ITCH: variants seen among roughly 807,000 people sequenced by gnomAD.
The protein encoded by ITCH is itchy E3 ubiquitin protein ligase, also known as E3 ubiquitin-protein ligase Itchy homolog.
Under a neutral mutation model 126.8 loss-of-function variants are expected in ITCH, and 28 were observed. The observed-to-expected ratio is 0.22, with a 90% CI of 0.16 to 0.30. ITCH has a LOEUF of 0.30. ITCH is among the 10% of genes least tolerant of loss of function. ITCH has a pLI of 1.00. For missense variants in ITCH, 631 were observed against 1,032.4 expected (o/e 0.61, Z 5.33); for synonymous variants, 342 against 340.0 (o/e 1.01, Z -0.06).
intron 3 of ITCH, among the ~76,000 whole-genome samples, chr20:34,401,171 G>A (rs2038871424): frequency 6.6e-6 from 1 of 152,088 alleles, no homozygotes; most frequent in Admixed American, 6.6e-5. Flanking sequence ...TCTTTACCTT[G>A]GATGTAAGTC....
intron 20 of ITCH, among the ~76,000 whole-genome samples, chr20:34,482,015 A>G (rs1988788018): frequency 6.8e-6 from 1 of 146,410 alleles, no homozygotes; most frequent in Non-Finnish European, 1.5e-5. Context: ...GTCTCAAAAC[A>G]AACAAACGAA....
chr20:34,426,373 T>G (rs1206079055), intron 7 of ITCH, among the ~76,000 whole-genome samples: 3 of 152,144 alleles, frequency 2.0e-5, no homozygotes, highest in Admixed American at 6.5e-5. Flanking sequence ...GTTGAAGCTG[T>G]GCTGTTAGGT....
chr20:34,401,977 G>A lies in ITCH; in HGVS notation c.71-6674G>A, dbSNP rs77864814. 4.6e-5 allele frequency among the ~76,000 whole-genome samples: 7 copies of A among 152,150 alleles called. No homozygotes were observed. The East Asian group carries it at 1.2e-3, about 25-fold the overall frequency. Reference sequence around the variant, plus strand: ...TAGTACTGGGCTAGGGATACGGGGGGGCGGCGCATAGCTATGGGCCTTGTC... The same window carrying A: ...TAGTACTGGGCTAGGGATACGGGGGAGCGGCGCATAGCTATGGGCCTTGTC... On this transcript the variant is annotated intron_variant, in intron 3 of 24. Transcript: ENST00000374864.
chr20:34,376,579 A>G (rs1264763865), intron 2 of ITCH, among the ~76,000 whole-genome samples: 1 of 152,182 alleles, frequency 6.6e-6, no homozygotes, highest in East Asian at 1.9e-4. Context: ...TTAGTTATTC[A>G]GAATATGCCA....
intron 20 of ITCH, among the ~76,000 whole-genome samples, chr20:34,488,879 A>G (rs1989322617): frequency 6.6e-6 from 1 of 152,150 alleles, no homozygotes; most frequent in African/African-American, 2.4e-5. Context: ...CTCTACATAC[A>G]AAACCAAAAA....
chr20:34,409,732 T>G (rs1411719747), intron 4 of ITCH, among the ~76,000 whole-genome samples: 1 of 152,220 alleles, frequency 6.6e-6, no homozygotes, highest in Non-Finnish European at 1.5e-5. Context: ...CTTTGTATGT[T>G]GGTGTTTATA....
chr20:34,457,308 C>G (rs1986100146), intron 12 of ITCH, 82 bp from the exon 13 acceptor site: 1 of 929,408 alleles, frequency 1.1e-6, no homozygotes, highest in South Asian at 1.4e-5. Flanking sequence ...TGGGCAAATT[C>G]AAATAATTTT....
At chr20:34,368,257 G>A (rs1257122196) in intron 1 of ITCH, among the ~76,000 whole-genome samples, 3 of 143,796 alleles carry the variant, frequency 2.1e-5, no homozygotes, top group Non-Finnish European at 4.5e-5. Context: ...CAACAAGAAT[G>A]AGACTCTGTC....
chr20:34,379,562 C>T (rs560746175), intron 2 of ITCH, among the ~76,000 whole-genome samples: 36 of 150,924 alleles, frequency 2.4e-4, no homozygotes, highest in African/African-American at 7.3e-4. Context: ...CTAGGCACCT[C>T]ATCGTAAAAG....
intron 14 of ITCH, among the ~76,000 whole-genome samples, chr20:34,468,174 A>G (rs539877836): frequency 2.6e-5 from 4 of 151,516 alleles, no homozygotes; most frequent in Non-Finnish European, 5.9e-5. Context: ...AGCTGGGACT[A>G]CAGACGCCCG....
chr20:34,510,915 C>G lies in ITCH; in HGVS notation c.*3121C>G, dbSNP rs1467906794. On this transcript the variant is annotated 3_prime_UTR_variant, in exon 25 of 25. Coordinates refer to ENST00000374864, the MANE Select transcript of ITCH (RefSeq NM_031483.7). The stretch of plus-strand genomic sequence containing the variant: ...TAGTGAAACTTGACTCAACTATACA[C>G]AAAGTTCTCATCCTAAATGAACTAT... 2 of 152,192 alleles carry G rather than the reference C, an allele frequency of 1.3e-5. No individual in the cohort carries two copies. Among genetic ancestry groups the G allele is most frequent in the Admixed American group, 1.3e-4 (2 of 15,276 alleles). 9.4% of individuals were successfully genotyped at this position (152,192 alleles called of 1,614,324 possible). A position where few individuals can be genotyped will look rare whatever the true frequency, so the allele number is the denominator to read the frequency against.
intron 14 of ITCH, among the ~76,000 whole-genome samples, chr20:34,464,255 T>G (rs558766841): frequency 6.6e-6 from 1 of 151,578 alleles, no homozygotes; most frequent in Admixed American, 6.6e-5. Context: ...CCCAAAGTGC[T>G]GGGATTACAG....
At chr20:34,454,817 GTTTTTTTTTTTTTTTT>G (rs200486269) in intron 12 of ITCH, among the ~76,000 whole-genome samples, 60,281 of 110,106 alleles carry the variant, frequency 0.55, 13,925 homozygotes, top group Middle Eastern at 0.62. Context: ...TTCTTTTCCT[GTTTTTTTTTTTTTTTT>G]TTTTTTTTTT....
intron 7 of ITCH, among the ~76,000 whole-genome samples, chr20:34,433,661 A>AT (rs1982624291): frequency 6.6e-6 from 1 of 151,930 alleles, no homozygotes; most frequent in South Asian, 2.1e-4. Context: ...TGTCTCAAAA[A>AT]AAAAAAAAAA....
chr20:34,364,022 A>G (rs916215644), intron 1 of ITCH, among the ~76,000 whole-genome samples: 1 of 152,168 alleles, frequency 6.6e-6, no homozygotes. Context: ...TTAGCAGAGA[A>G]AAGAAAAAAG....
rs920648553 is a variant in ITCH at position 34,492,920 on chromosome 20, G to A, written c.2416+323G>A. On this transcript the variant is annotated intron_variant, in intron 23 of 24. Transcript: ENST00000374864. Reference sequence around the variant, plus strand: ...GTTGTATTATTTAACGATGTGAGAAGATCATTATATAATACAATAGTGGAT... The same window carrying A: ...GTTGTATTATTTAACGATGTGAGAAAATCATTATATAATACAATAGTGGAT... Among the ~76,000 whole-genome samples the A allele has an allele frequency of 1.3e-4, 20 of 152,156 alleles. 1 individual carries two copies. Among genetic ancestry groups the A allele is most frequent in the Middle Eastern group, 3.2e-3 (1 of 316 alleles).
chr20:34,407,043 G>C (rs1313844924), intron 3 of ITCH, among the ~76,000 whole-genome samples: 1 of 152,026 alleles, frequency 6.6e-6, no homozygotes, highest in Non-Finnish European at 1.5e-5. Context: ...GAAATCATGG[G>C]GTGCTTTGCT....
At chr20:34,418,748 CTTTTTTTCCTTTTTTTT>C (rs1278437951) in intron 6 of ITCH, among the ~76,000 whole-genome samples, 1 of 127,034 alleles carries the variant, frequency 7.9e-6, no homozygotes, top group Non-Finnish European at 1.6e-5. Context: ...CTTTCTTTTT[CTTTTTTTCCTTTTTTTT>C]TTTTTTTTTT....
chr20:34,484,733 A>G (rs923060555), intron 20 of ITCH, among the ~76,000 whole-genome samples: 1 of 152,210 alleles, frequency 6.6e-6, no homozygotes, highest in African/African-American at 2.4e-5. Flanking sequence ...AATAAAATGC[A>G]CTGATCTTAA....
Sources: allele counts gnomAD v4.1 joint callset (sites outside exome capture counted in the v4.1 genomes callset), GRCh38; gene constraint gnomAD v4.1.1; transcripts MANE v1.5; gene names NCBI Gene and HGNC (gene_info 2026-07-23, HGNC 2026-07-21).